Variants in SPATA31D1 observed in about 807,000 individuals in gnomAD.
The protein encoded by SPATA31D1 is spermatogenesis-associated protein 31D1.
In SPATA31D1, 6 loss-of-function variants were observed where a neutral mutation model predicts 13.2. That is an observed-to-expected ratio of 0.46 (90% CI 0.25 to 0.90). The LOEUF is 0.90. Among genes scored for constraint, SPATA31D1 ranks in the 40% least tolerant of loss-of-function variants. The probability of loss-of-function intolerance (pLI) is 0.18; values close to 1 mark genes in which losing one functional copy is unlikely to be tolerated. For missense variants in SPATA31D1, 2,445 were observed against 1,884.7 expected (o/e 1.30, Z -5.50); for synonymous variants, 903 against 718.8 (o/e 1.26, Z -4.10).
In SPATA31D1 at chr9:81,992,821, A is replaced by G. The variant is rs565458037; in HGVS notation, c.2351A>G (p.His784Arg). The change falls in exon 4 of 4, where the codon CAC (histidine) becomes CGC (arginine). Residue 784 changes from histidine to arginine, a missense_variant. Coordinates refer to ENST00000344803, the MANE Select transcript of SPATA31D1 (RefSeq NM_001001670.3). Reference sequence around the variant, plus strand: ...AGCCAGGAGACTGTCCCAAAAGATCACCTGTTGCATGGTCCGGAGACTTCT... The same window carrying G: ...AGCCAGGAGACTGTCCCAAAAGATCGCCTGTTGCATGGTCCGGAGACTTCT... ...GYSQETVPKDHLLHGPETSSD... is the reference protein window; with the variant it reads ...GYSQETVPKDRLLHGPETSSD... 3 of 1,613,804 alleles carry G rather than the reference A, an allele frequency of 1.9e-6. No homozygotes were observed. Among genetic ancestry groups the G allele is most frequent in the South Asian group, 1.1e-5 (1 of 91,074 alleles).
upstream of SPATA31D1, among the ~76,000 whole-genome samples, chr9:81,987,546 A>G (rs1299436975): frequency 1.3e-5 from 2 of 152,106 alleles, no homozygotes; most frequent in Non-Finnish European, 2.9e-5. Context: ...GTCGATGTGT[A>G]TGTGTGTTTG....
Position 81,994,609 on chromosome 9 carries a change from C to G in SPATA31D1, c.4139C>G (p.Ser1380Cys), listed in dbSNP as rs1245062866. 1 of 1,612,996 alleles carries G rather than the reference C, an allele frequency of 6.2e-7. No individual in the cohort carries two copies. Among genetic ancestry groups the G allele is most frequent in the African/African-American group, 1.3e-5 (1 of 75,040 alleles). Residue 1380 changes from serine (S) to cysteine (C), a missense_variant, in exon 4 of 4, where the codon TCC becomes TGC. Coordinates refer to ENST00000344803, the MANE Select transcript of SPATA31D1 (RefSeq NM_001001670.3). Reference protein sequence around the residue: ...EQESSWEKGSSLSSCVQNIGR... With the variant: ...EQESSWEKGSCLSSCVQNIGR... ...GAAAGTTCCTGGGAAAAGGGTAGCTCCCTGTCATCATGTGTGCAGAATATT... is the reference window on the plus strand; with the variant it reads ...GAAAGTTCCTGGGAAAAGGGTAGCTGCCTGTCATCATGTGTGCAGAATATT...
In SPATA31D1 at chr9:81,991,289, A is replaced by C. The variant is rs1476594685; in HGVS notation, c.819A>C (p.Ser273=). The C allele has an allele frequency of 6.2e-7, 1 of 1,613,872 alleles. No individual in the cohort carries two copies. The highest frequency in any genetic ancestry group is 8.5e-7 in the Non-Finnish European group (1 of 1,179,872). Residue 273 remains serine (S), a synonymous_variant, in exon 4 of 4, where the codon TCA becomes TCC. Coordinates refer to ENST00000344803, the MANE Select transcript of SPATA31D1 (RefSeq NM_001001670.3). ...GTTTGTCTCTGAACACCATCTTTTC[A>C]TTTGGCTCCACCCTATGCCAAGATA... ...EASLSLNTIF[S]FGSTLCQDIS...
rs1465230068 is a variant in SPATA31D1, at chr9:81,993,932, A to G, written c.3462A>G (p.Gln1154=). ...RKTFPVTNAL[Q]SQTRNNLTTS... ...CCTTTCCTGTCACCAATGCTCTTCA[A>G]TCACAAACTAGGAACAACTTGACAA... Residue 1154 remains glutamine (Q), a synonymous_variant, in exon 4 of 4, where the codon CAA becomes CAG. Transcript: ENST00000344803. The G allele has an allele frequency of 6.2e-6, 10 of 1,613,892 alleles. No homozygotes were observed. Among genetic ancestry groups the G allele is most frequent in the Middle Eastern group, 1.7e-4 (1 of 6,060 alleles).
rs1395561538 is a variant in SPATA31D1, at chr9:81,993,064, A to G, written c.2594A>G (p.Glu865Gly). 2 of 1,613,834 alleles carry G rather than the reference A, an allele frequency of 1.2e-6. No homozygotes were observed. The highest frequency in any genetic ancestry group is 1.7e-5 in the Admixed American group (1 of 60,022). Residue 865 changes from glutamate (E) to glycine (G), a missense_variant, in exon 4 of 4, where the codon GAG becomes GGG. Physicochemically the swap from Glu to Gly is moderately conservative, Grantham distance 98 (BLOSUM62 -2). Coordinates refer to ENST00000344803, the MANE Select transcript of SPATA31D1 (RefSeq NM_001001670.3). ...HSVKQTMSLP[E>G]KSHSQIKHRN... ...GTCAAGCAGACAATGTCTCTTCCTG[A>G]GAAATCCCACAGCCAAATTAAACAT...
At chr9:81,989,684 T>TAATGAATGAATGAATGAATG in intron 1 of SPATA31D1, 94 bp from the exon 2 acceptor site, 1 of 1,209,300 alleles carries the variant, frequency 8.3e-7, no homozygotes, top group Non-Finnish European at 1.2e-6. Flanking sequence ...TATTCTTGTA[T>TAATGAATGAATGAATGAATG]AATGAATGAA....
rs756728360 is a variant in SPATA31D1, at chr9:81,991,932, C to G, written c.1462C>G (p.His488Asp). 1 of 1,613,692 alleles carries G rather than the reference C, an allele frequency of 6.2e-7. No homozygotes were observed. The highest frequency in any genetic ancestry group is 8.5e-7 in the Non-Finnish European group (1 of 1,179,736). ...GCAGCACATCCATCAGCAGCCTCCA[C>G]ACTCTAAATGCTTTGAAGACCATTT... ...EWQHIHQQPPHSKCFEDHLEQ... is the reference protein window; with the variant it reads ...EWQHIHQQPPDSKCFEDHLEQ... Residue 488 changes from histidine (H) to aspartate (D), a missense_variant, in exon 4 of 4, where the codon CAC becomes GAC. Coordinates refer to ENST00000344803, the MANE Select transcript of SPATA31D1 (RefSeq NM_001001670.3).
Position 81,993,251 on chromosome 9 carries a change from A to T in SPATA31D1, c.2781A>T (p.Glu927Asp), listed in dbSNP as rs772663107. The T allele has an allele frequency of 6.2e-7, 1 of 1,613,966 alleles. No homozygotes were observed. Among genetic ancestry groups the T allele is most frequent in the Admixed American group, 1.7e-5 (1 of 60,020 alleles). The change falls in exon 4 of 4, where the codon GAA (glutamate) becomes GAT (aspartate). Residue 927 changes from glutamate to aspartate, a missense_variant. Transcript: ENST00000344803. ...GLPLKVLESI[E>D]IFKSKADLST... ...CCCTCAAGGTCCTTGAATCCATAGAAATCTTCAAATCGAAAGCGGACCTTT... is the reference window on the plus strand; with the variant it reads ...CCCTCAAGGTCCTTGAATCCATAGATATCTTCAAATCGAAAGCGGACCTTT...
upstream of SPATA31D1, among the ~76,000 whole-genome samples, chr9:81,988,347 G>A (rs1824889589): frequency 6.6e-6 from 1 of 152,130 alleles, no homozygotes; most frequent in Non-Finnish European, 1.5e-5. Flanking sequence ...TTTTATATCT[G>A]CATTTATGTA....
Position 81,993,643 on chromosome 9 carries a change from A to T in SPATA31D1, c.3173A>T (p.Gln1058Leu). 1 of 1,614,038 alleles carries T rather than the reference A, an allele frequency of 6.2e-7. No individual in the cohort carries two copies. Among genetic ancestry groups the T allele is most frequent in the Non-Finnish European group, 8.5e-7 (1 of 1,179,894 alleles). ...HSYLVTSPVN[Q>L]EKQGTLRREF... ...TACCTTGTCACTTCACCTGTCAACCAAGAAAAGCAGGGGACCCTGAGAAGA... is the reference window on the plus strand; with the variant it reads ...TACCTTGTCACTTCACCTGTCAACCTAGAAAAGCAGGGGACCCTGAGAAGA... The change falls in exon 4 of 4, where the codon CAA becomes CTA. Residue 1058 changes from glutamine (Q) to leucine (L), a missense_variant. Transcript: ENST00000344803.
rs377097536 is a variant in SPATA31D1, at chr9:81,994,578, G to A, written c.4108G>A (p.Glu1370Lys). The A allele has an allele frequency of 1.2e-6, 2 of 1,612,866 alleles. No individual in the cohort carries two copies. The highest frequency in any genetic ancestry group is 1.7e-6 in the Non-Finnish European group (2 of 1,179,352). Residue 1370 changes from glutamate (E) to lysine (K), a missense_variant, in exon 4 of 4, where the codon GAA becomes AAA. Transcript: ENST00000344803. ...WFNKPSISYE[E>K]QESSWEKGSS... is the part of the protein sequence containing the mutation. ...TAATAAACCCAGCATATCATATGAAGAACAAGAAAGTTCCTGGGAAAAGGG... is the reference window on the plus strand; with the variant it reads ...TAATAAACCCAGCATATCATATGAAAAACAAGAAAGTTCCTGGGAAAAGGG...
At position 81,992,245 on chromosome 9, in the gene SPATA31D1, T is replaced by C. The variant is rs760237044; in HGVS notation, c.1775T>C (p.Leu592Pro). The C allele has an allele frequency of 2.7e-5, 43 of 1,613,698 alleles. No individual in the cohort carries two copies. In the Admixed American group the frequency reaches 2.8e-4, roughly 11 times the overall value. Residue 592 changes from leucine (L) to proline (P), a missense_variant, in exon 4 of 4, where the codon CTA becomes CCA. By Grantham distance (98) the Leu-to-Pro change is moderately conservative (BLOSUM62 -3). Coordinates refer to ENST00000344803, the MANE Select transcript of SPATA31D1 (RefSeq NM_001001670.3). Reference protein sequence around the residue: ...AQPQSPFRALLPSPLFLIRIC... With the variant: ...AQPQSPFRALPPSPLFLIRIC... The stretch of plus-strand genomic sequence containing the variant: ...CCTCAATCTCCATTCCGAGCCCTAC[T>C]ACCTAGTCCTCTATTCCTGATTAGG...
intron 2 of SPATA31D1, chr9:81,990,143 T>C (rs1355117317): frequency 5.7e-6 from 3 of 524,606 alleles, no homozygotes; most frequent in Admixed American, 6.8e-5. Flanking sequence ...ATACGTACTT[T>C]GACTTCCTCA....
At position 81,991,053 on chromosome 9, in the gene SPATA31D1, C is replaced by A. The variant is rs749270212; in HGVS notation, c.583C>A (p.Pro195Thr). The A allele has an allele frequency of 3.1e-6, 5 of 1,613,714 alleles. No individual in the cohort carries two copies. The highest frequency in any genetic ancestry group is 4.2e-6 in the Non-Finnish European group (5 of 1,179,712). The change falls in exon 4 of 4, where the codon CCA becomes ACA. Residue 195 changes from proline to threonine, a missense_variant. Coordinates refer to ENST00000344803, the MANE Select transcript of SPATA31D1 (RefSeq NM_001001670.3). ...GTCCCCTCGGCCTAAGGCCTCTCCA[C>A]CACCCCCCTTAATTCTCTCACCTGA... ...ILSPRPKASP[P>T]PPLILSPDLI...
Position 81,991,840 on chromosome 9 carries a change from C to T in SPATA31D1, c.1370C>T (p.Ser457Leu). The T allele has an allele frequency of 1.2e-6, 2 of 1,613,800 alleles. No homozygotes were observed. The highest frequency in any genetic ancestry group is 1.7e-6 in the Non-Finnish European group (2 of 1,179,724). Residue 457 changes from serine (S) to leucine (L), a missense_variant, in exon 4 of 4, where the codon TCA (serine) becomes TTA (leucine). By Grantham distance (145) the Ser-to-Leu change is moderately radical. Coordinates refer to ENST00000344803, the MANE Select transcript of SPATA31D1 (RefSeq NM_001001670.3). ...QLNSSRNMLT[S>L]IAVKHDLAES... is the part of the protein sequence containing the mutation. ...AATTCCTCACGGAATATGTTAACCT[C>T]AATTGCTGTTAAGCATGACTTGGCA...
upstream of SPATA31D1, among the ~76,000 whole-genome samples, chr9:81,987,655 TA>T (rs1824879385): frequency 6.6e-6 from 1 of 152,234 alleles, no homozygotes. Context: ...CTTGAAGTTT[TA>T]ATTATATATA....
chr9:81,995,123 T>G lies in SPATA31D1; in HGVS notation c.4653T>G (p.Phe1551Leu). 1 of 1,604,524 alleles carries G rather than the reference T, an allele frequency of 6.2e-7. No homozygotes were observed. The highest frequency in any genetic ancestry group is 1.3e-5 in the African/African-American group (1 of 74,860). The change falls in exon 4 of 4, where the codon TTT (phenylalanine) becomes TTG (leucine). Residue 1551 changes from phenylalanine to leucine, a missense_variant. By Grantham distance (22) the Phe-to-Leu change is conservative. Transcript: ENST00000344803. The part of the protein sequence containing the change: ...AVPTSAKSPV[F>L]SDVPFLTGQK... ...CAACCAGTGCTAAAAGCCCTGTGTT[T>G]AGTGATGTGCCTTTCCTAACTGGAC...
Position 81,994,153 on chromosome 9 carries a change from C to A in SPATA31D1, c.3683C>A (p.Ala1228Asp). 6.2e-7 allele frequency: 1 copy of A among 1,613,956 alleles called. No individual in the cohort carries two copies. Among genetic ancestry groups the A allele is most frequent in the East Asian group, 2.2e-5 (1 of 44,882 alleles). Reference sequence around the variant, plus strand: ...AGCCATTTCACTGACATGTCTTTTGCCTTAGATAACTTGAGTTCCAAGGAC... The same window carrying A: ...AGCCATTTCACTGACATGTCTTTTGACTTAGATAACTTGAGTTCCAAGGAC... The part of the protein sequence containing the change: ...PQSHFTDMSF[A>D]LDNLSSKDLL... Residue 1228 changes from alanine (A) to aspartate (D), a missense_variant, in exon 4 of 4, where the codon GCC becomes GAC. Physicochemically the swap from Ala to Asp is moderately radical, Grantham distance 126. Coordinates refer to ENST00000344803, the MANE Select transcript of SPATA31D1 (RefSeq NM_001001670.3).
At position 81,991,044 on chromosome 9, in the gene SPATA31D1, G is replaced by A. The variant is rs781026076; in HGVS notation, c.574G>A (p.Ala192Thr). The A allele has an allele frequency of 2.5e-6, 4 of 1,611,892 alleles. No homozygotes were observed. Among genetic ancestry groups the A allele is most frequent in the Middle Eastern group, 1.6e-4 (1 of 6,076 alleles). Reference sequence around the variant, plus strand: ...CCTAATACTGTCCCCTCGGCCTAAGGCCTCTCCACCACCCCCCTTAATTCT... The same window carrying A: ...CCTAATACTGTCCCCTCGGCCTAAGACCTCTCCACCACCCCCCTTAATTCT... ...EDLILSPRPK[A>T]SPPPPLILSP... Residue 192 changes from alanine (A) to threonine (T), a missense_variant, in exon 4 of 4, where the codon GCC (alanine) becomes ACC (threonine). Transcript: ENST00000344803.
Sources: gnomAD v4.1 joint callset for allele counts (sites outside exome capture counted in the v4.1 genomes callset) on GRCh38, gnomAD v4.1.1 for gene constraint, MANE v1.5 for transcripts, NCBI Gene and HGNC (gene_info 2026-07-23, HGNC 2026-07-21) for gene names.